Variants in GLIS3 observed in about 807,000 individuals in gnomAD.
GLIS3 encodes GLIS family zinc finger 3, also known as zinc finger protein GLIS3.
In GLIS3, 53 loss-of-function variants were observed where a neutral mutation model predicts 78.6. The ratio of observed to expected loss-of-function variants is 0.67; its 90% confidence interval spans 0.54 to 0.85. GLIS3 has a LOEUF of 0.85. Ranked by LOEUF, GLIS3 falls within the 40% of genes least tolerant of loss-of-function variation. The probability of loss-of-function intolerance (pLI) is 0.00; values close to 1 mark genes in which losing one functional copy is unlikely to be tolerated. For synonymous variants in GLIS3, 684 were observed against 509.9 expected (o/e 1.34, Z -4.60); for missense variants, 1,703 against 1,231.1 (o/e 1.38, Z -5.74).
intron 2 of GLIS3, among the ~76,000 whole-genome samples, chr9:4,281,597 T>G (rs1020994736): frequency 3.3e-5 from 5 of 152,254 alleles, no homozygotes; most frequent in Admixed American, 2.6e-4. Context: ...ATCCATGTTG[T>G]GGCATGTGTC....
At chr9:4,110,641 C>T (rs1454614657) in intron 4 of GLIS3, among the ~76,000 whole-genome samples, 1 of 152,150 alleles carries the variant, frequency 6.6e-6, no homozygotes, top group Non-Finnish European at 1.5e-5. Flanking sequence ...CACATGGCTT[C>T]CCAGAGTTAA....
At chr9:4,157,551 A>T (rs1440673232) in intron 2 of GLIS3, among the ~76,000 whole-genome samples, 1 of 152,202 alleles carries the variant, frequency 6.6e-6, no homozygotes, top group Non-Finnish European at 1.5e-5. Flanking sequence ...AAGAGCATAC[A>T]TAGAGGCTTA....
At chr9:4,051,381 G>T (rs1415609077) in intron 4 of GLIS3, among the ~76,000 whole-genome samples, 2 of 152,208 alleles carry the variant, frequency 1.3e-5, no homozygotes, top group Non-Finnish European at 2.9e-5. Flanking sequence ...ATTCTGGACT[G>T]CTGGAGATTG....
intron 6 of GLIS3, among the ~76,000 whole-genome samples, chr9:3,925,175 T>C (rs1222485480): frequency 1.3e-5 from 2 of 152,218 alleles, no homozygotes; most frequent in Non-Finnish European, 2.9e-5. Flanking sequence ...TTTCAGACAG[T>C]AAATATAAGA....
intron 4 of GLIS3, among the ~76,000 whole-genome samples, chr9:3,994,110 A>T (rs1255762702): frequency 2.0e-5 from 3 of 152,144 alleles, no homozygotes; most frequent in African/African-American, 7.2e-5. Flanking sequence ...ATGGTCTAGG[A>T]CCACACTTTG....
intron 2 of GLIS3, among the ~76,000 whole-genome samples, chr9:4,336,090 C>A (rs1315658426): frequency 6.6e-6 from 1 of 152,134 alleles, no homozygotes; most frequent in Non-Finnish European, 1.5e-5. Flanking sequence ...GTTTGTTACC[C>A]ATAAGCCACA....
intron 4 of GLIS3, among the ~76,000 whole-genome samples, chr9:4,028,835 T>C (rs1341348465): frequency 2.0e-5 from 3 of 152,148 alleles, no homozygotes; most frequent in Non-Finnish European, 4.4e-5. Flanking sequence ...AATACATACA[T>C]TGATAGCAGT....
At chr9:3,950,249 C>A (rs1430885789) in intron 4 of GLIS3, among the ~76,000 whole-genome samples, 4 of 152,212 alleles carry the variant, frequency 2.6e-5, no homozygotes, top group Non-Finnish European at 5.9e-5. Context: ...CCTAATAGGT[C>A]TCCCCCATCC....
the GLIS3 span, among the ~76,000 whole-genome samples, chr9:4,446,677 T>C: frequency 1.7e-5 from 1 of 58,954 alleles, no homozygotes; most frequent in Non-Finnish European, 5.3e-5. Context: ...GCCCGGCTAA[T>C]TTTTTTTTTT....
intron 2 of GLIS3, among the ~76,000 whole-genome samples, chr9:4,263,972 A>G (rs1010416655): frequency 1.3e-5 from 2 of 152,024 alleles, no homozygotes; most frequent in African/African-American, 2.4e-5. Context: ...ATGACATCAA[A>G]TATCATCTCT....
rs1335323714 is a variant in GLIS3, at chr9:3,827,527, C to G, written c.*745G>C. 3 of 152,386 alleles carry G rather than the reference C, an allele frequency of 2.0e-5. No individual in the cohort carries two copies. Among genetic ancestry groups the G allele is most frequent in the African/African-American group, 7.2e-5 (3 of 41,404 alleles). 9.4% of individuals were successfully genotyped at this position (152,386 alleles called of 1,614,324 possible). The stretch of plus-strand genomic sequence containing the variant: ...CTAACATGCTAGAGGTGGGGCCAGG[C>G]AGAACCACAGCTGTGCAAAATGTCT... On this transcript the variant is annotated 3_prime_UTR_variant, in exon 11 of 11. Coordinates refer to ENST00000381971, the MANE Select transcript of GLIS3 (RefSeq NM_001042413.2).
chr9:4,135,091 T>C (rs76961410), intron 2 of GLIS3, among the ~76,000 whole-genome samples: 1 of 152,158 alleles, frequency 6.6e-6, no homozygotes, highest in East Asian at 1.9e-4. Flanking sequence ...AGACCCCAAA[T>C]TATGTTAGGA....
chr9:4,371,870 A>G, the GLIS3 span, among the ~76,000 whole-genome samples: 4 of 152,210 alleles, frequency 2.6e-5, no homozygotes, highest in Admixed American at 6.5e-5. Context: ...GTTCTTTTGA[A>G]TATCACACAA....
At chr9:3,972,173 T>C (rs1818430036) in intron 4 of GLIS3, among the ~76,000 whole-genome samples, 1 of 152,210 alleles carries the variant, frequency 6.6e-6, no homozygotes, top group African/African-American at 2.4e-5. Context: ...TCTGCTTTGG[T>C]AAGTACTGCT....
At chr9:4,120,392 G>C (rs1832085454) in intron 3 of GLIS3, among the ~76,000 whole-genome samples, 1 of 152,204 alleles carries the variant, frequency 6.6e-6, no homozygotes, top group Non-Finnish European at 1.5e-5. Context: ...CCTTGACATA[G>C]ATTTTCCTCT....
At chr9:4,238,416 G>A (rs1348956585) in intron 2 of GLIS3, among the ~76,000 whole-genome samples, 1 of 152,138 alleles carries the variant, frequency 6.6e-6, no homozygotes, top group East Asian at 1.9e-4. Context: ...CATGAGAGAA[G>A]ATGTAAATCA....
At chr9:4,054,465 G>A (rs1332901677) in intron 4 of GLIS3, 3 of 985,286 alleles carry the variant, frequency 3.0e-6, no homozygotes, top group Admixed American at 6.1e-5. Context: ...GCTCTGGAGT[G>A]AATTCTTCAG....
chr9:4,078,356 A>C (rs973311644), intron 4 of GLIS3, among the ~76,000 whole-genome samples: 2 of 152,010 alleles, frequency 1.3e-5, no homozygotes, highest in African/African-American at 4.8e-5. Flanking sequence ...CTCCTGACCC[A>C]TTCTTCTGGG....
intron 8 of GLIS3, among the ~76,000 whole-genome samples, chr9:3,862,493 T>A (rs1349741905): frequency 6.6e-6 from 1 of 152,208 alleles, no homozygotes; most frequent in Non-Finnish European, 1.5e-5. Flanking sequence ...TGTGTATAAG[T>A]CCAAAGTATT....
Sources: gnomAD v4.1 joint callset for allele counts (sites outside exome capture counted in the v4.1 genomes callset) on GRCh38, gnomAD v4.1.1 for gene constraint, MANE v1.5 for transcripts, NCBI Gene and HGNC (gene_info 2026-07-23, HGNC 2026-07-21) for gene names.